The following VARS1 variants were observed in gnomAD, a reference collection of about 807,000 sequenced individuals.
The protein encoded by VARS1 is valine--tRNA ligase.
VARS1 carries 92 observed loss-of-function variants against 161.0 expected under a neutral mutation model. The ratio of observed to expected loss-of-function variants is 0.57; its 90% CI spans 0.48 to 0.68. The LOEUF (loss-of-function observed/expected upper bound fraction) is 0.68. VARS1 is among the 30% of genes least tolerant of loss of function. The probability of loss-of-function intolerance (pLI) is 0.00; values close to 1 mark genes in which losing one functional copy is unlikely to be tolerated. For missense variants in VARS1, 1,338 were observed against 1,695.9 expected (o/e 0.79, Z 3.71); for synonymous variants, 595 against 682.5 (o/e 0.87, Z 2.00).
At chr6:31,792,702 T>C (rs1299818110) in intron 4 of VARS1, 55 bp downstream of exon 4, 1 of 1,604,190 alleles carries the variant, frequency 6.2e-7, no homozygotes. Context: ...AGAAAGTGAG[T>C]TGCATGGAAG....
At position 31,784,650 on chromosome 6, in the gene VARS1, C is replaced by T. The variant is rs577463754; in HGVS notation, c.1412G>A (p.Ser471Asn). The T allele has an allele frequency of 6.2e-7, 1 of 1,613,090 alleles. No homozygotes were observed. Among genetic ancestry groups the T allele is most frequent in the African/African-American group, 1.3e-5 (1 of 75,050 alleles). ...RLHEEGIIYR[S>N]TRLVNWSCTL... ...GCAGGACCAGTTAACAAGGCGGGTA[C>T]TGCGATAGATGATGCCTTCCTCGTG... The change falls in exon 11 of 30, where the codon AGT becomes AAT. Residue 471 changes from serine to asparagine, a missense_variant. Physicochemically the swap from Ser to Asn is conservative, Grantham distance 46. This residue lies in a region of VARS1 where 902 missense variants were observed against 1,090.3 expected (regional missense o/e 0.83). Coordinates refer to ENST00000375663, the MANE Select transcript of VARS1 (RefSeq NM_006295.3). The surrounding 1 kb of genome is among the most constrained non-coding windows in gnomAD (Gnocchi z 6.1).
At position 31,785,430 on chromosome 6, in the gene VARS1, C is replaced by G; in HGVS notation, c.1266-103G>C. 6.4e-7 allele frequency: 1 copy of G among 1,553,856 alleles called. No individual in the cohort carries two copies. Among genetic ancestry groups the G allele is most frequent in the Non-Finnish European group, 8.7e-7 (1 of 1,143,414 alleles). On this transcript the variant is annotated intron_variant, in intron 9 of 29. Transcript: ENST00000375663. The surrounding 1 kb of genome is among the most constrained non-coding windows in gnomAD (Gnocchi z 6.1). Reference sequence around the variant, plus strand: ...AGATCACCCATCCCCCTGAAATTTACCTGGGCCCTAGAGCCAACTGACTCT... The same window carrying G: ...AGATCACCCATCCCCCTGAAATTTAGCTGGGCCCTAGAGCCAACTGACTCT...
At position 31,782,330 on chromosome 6, in the gene VARS1, G is replaced by A; in HGVS notation, c.2105C>T (p.Pro702Leu). ...ATGCCATGTGCGCTGATGGGCCTCA[G>A]GCAGGATGCGGAGGTCACCCCGAGT... ...AVTRGDLRIL[P>L]EAHQRTWHAW... Residue 702 changes from proline (P) to leucine (L), a missense_variant, in exon 17 of 30, where the codon CCT (proline) becomes CTT (leucine). Around this residue, in one of 3 missense-constraint regions of VARS1, gnomAD observed 902 missense variants for 1,090.3 expected, o/e 0.83. Coordinates refer to ENST00000375663, the MANE Select transcript of VARS1 (RefSeq NM_006295.3). The surrounding 1 kb of genome is among the most constrained non-coding windows in gnomAD (Gnocchi z 8.3). 1 of 1,612,972 alleles carries A rather than the reference G, an allele frequency of 6.2e-7. No individual in the cohort carries two copies. The highest frequency in any genetic ancestry group is 8.5e-7 in the Non-Finnish European group (1 of 1,179,996).
Position 31,780,045 on chromosome 6 carries a change from T to G in VARS1, c.3034A>C (p.Thr1012Pro). 2 of 1,614,074 alleles carry G rather than the reference T, an allele frequency of 1.2e-6. No homozygotes were observed. The highest frequency in any genetic ancestry group is 1.7e-6 in the Non-Finnish European group (2 of 1,180,006). The change falls in exon 26 of 30, where the codon ACT (threonine) becomes CCT (proline). Residue 1012 changes from threonine (T) to proline (P), a missense_variant. Transcript: ENST00000375663. The surrounding 1 kb of genome is among the most constrained non-coding windows in gnomAD (Gnocchi z 5.1). Reference sequence around the variant, plus strand: ...TAGAGCCAGAAGCTGTACTGGGCAGTGGTGACGGCCGGGAAGTCGTAGGCC... The same window carrying G: ...TAGAGCCAGAAGCTGTACTGGGCAGGGGTGACGGCCGGGAAGTCGTAGGCC... ...FQAYDFPAVTTAQYSFWLYEL... is the reference protein window; with the variant it reads ...FQAYDFPAVTPAQYSFWLYEL...
At position 31,780,612 on chromosome 6, in the gene VARS1, G is replaced by A; in HGVS notation, c.2798-44C>T. The A allele has an allele frequency of 6.2e-7, 1 of 1,611,132 alleles. No individual in the cohort carries two copies. The highest frequency in any genetic ancestry group is 8.5e-7 in the Non-Finnish European group (1 of 1,177,778). On this transcript the variant is annotated intron_variant, in intron 24 of 29. Coordinates refer to ENST00000375663, the MANE Select transcript of VARS1 (RefSeq NM_006295.3). The surrounding 1 kb of genome is among the most constrained non-coding windows in gnomAD (Gnocchi z 5.1). ...GTGAGTCCTCATCACCCTCTTCCCA[G>A]CCCATGCCCACCAGAGGCTCAGGGT...
intron 2 of VARS1, among the ~76,000 whole-genome samples, chr6:31,793,693 T>C (rs1047744922): frequency 1.2e-4 from 19 of 152,306 alleles, no homozygotes; most frequent in Middle Eastern, 3.4e-3. Context: ...CACGAACAGA[T>C]GGACAGAACC....
intron 4 of VARS1, 58 bp from the exon 5 acceptor site, chr6:31,792,574 T>C: frequency 6.2e-7 from 1 of 1,611,388 alleles, no homozygotes; most frequent in African/African-American, 1.3e-5. Context: ...TGGACGGCCA[T>C]ACTAGGTTTC....
chr6:31,777,832 A>C lies in VARS1; in HGVS notation c.3727-170T>G, dbSNP rs985012638. On this transcript the variant is annotated intron_variant, in intron 29 of 29. Transcript: ENST00000375663. The surrounding 1 kb of genome is among the most constrained non-coding windows in gnomAD (Gnocchi z 5.8). ...CCCACCCATTCCCACCAGCACCCCC[A>C]CTTCCACCACCACCTCTTGGGTCTT... The C allele has an allele frequency of 1.2e-5, 8 of 669,604 alleles. No homozygotes were observed. In the African/African-American group the frequency reaches 1.3e-4, roughly 11 times the overall value. 41.5% of individuals were successfully genotyped at this position (669,604 alleles called of 1,614,324 possible).
Position 31,779,107 on chromosome 6 carries a change from C to T in VARS1, c.3586G>A (p.Asp1196Asn), listed in dbSNP as rs1812938724. ...AGCTTGCCCAGCTCCCGTGCAGGGTCCACCAGCCCCTGAAGCTGCAGGTGG... is the reference window on the plus strand; with the variant it reads ...AGCTTGCCCAGCTCCCGTGCAGGGTTCACCAGCCCCTGAAGCTGCAGGTGG... ...SIHLQLQGLVDPARELGKLQA... is the reference protein window; with the variant it reads ...SIHLQLQGLVNPARELGKLQA... The change falls in exon 29 of 30, where the codon GAC becomes AAC. Residue 1196 changes from aspartate (D) to asparagine (N), a missense_variant. Physicochemically the swap from Asp to Asn is conservative, Grantham distance 23. Around this residue, in one of 3 missense-constraint regions of VARS1, gnomAD observed 433 missense variants for 586.2 expected, o/e 0.74. Transcript: ENST00000375663. The surrounding 1 kb of genome is among the most constrained non-coding windows in gnomAD (Gnocchi z 9.1). 6.2e-7 allele frequency: 1 copy of T among 1,609,422 alleles called. No homozygotes were observed. Among genetic ancestry groups the T allele is most frequent in the Non-Finnish European group, 8.5e-7 (1 of 1,178,190 alleles).
chr6:31,789,314 C>G (rs932619095), intron 8 of VARS1, among the ~76,000 whole-genome samples: 3 of 151,938 alleles, frequency 2.0e-5, no homozygotes, highest in Non-Finnish European at 4.4e-5. Flanking sequence ...AAGATAGATA[C>G]AGACAATTCA....
At position 31,782,027 on chromosome 6, in the gene VARS1, C is replaced by T. The variant is rs743399; in HGVS notation, c.2241+60G>A. 310,227 of 1,611,810 alleles carry T rather than the reference C, an allele frequency of 0.19. 32,147 individuals are homozygous for T. Among genetic ancestry groups the T allele is most frequent in the Admixed American group, 0.27 (16,229 of 59,876 alleles). ...ACCCTGCCCCTCCCCCCACCAAGGA[C>T]CCAGTAAACCCACCACTCCAGCAGG... On this transcript the variant is annotated intron_variant, in intron 18 of 29. Coordinates refer to ENST00000375663, the MANE Select transcript of VARS1 (RefSeq NM_006295.3). This position sits in a 1 kb window ranked among gnomAD's most constrained non-coding sequence, Gnocchi z 8.3.
chr6:31,784,556 T>A lies in VARS1; in HGVS notation c.1467+39A>T. ...CCAGGGGCCAGGGCCAGGGCCAGGG[T>A]AGATTGGAGATGGAGACAGGCCAGG... On this transcript the variant is annotated intron_variant, in intron 11 of 29. Transcript: ENST00000375663. This position sits in a 1 kb window ranked among gnomAD's most constrained non-coding sequence, Gnocchi z 6.1. 1.2e-6 allele frequency: 2 copies of A among 1,612,824 alleles called. No homozygotes were observed. The highest frequency in any genetic ancestry group is 1.7e-6 in the Non-Finnish European group (2 of 1,179,958).
rs1301190789 is a variant in VARS1 at position 31,795,596 on chromosome 6, C to T, written c.-84G>A. 5.7e-6 allele frequency: 1 copy of T among 176,720 alleles called. No homozygotes were observed. Among genetic ancestry groups the T allele is most frequent in the South Asian group, 2.0e-4 (1 of 5,054 alleles). The allele number at this position is 176,720 out of a possible 1,614,324, so 10.9% of individuals were successfully genotyped here. A position where few individuals can be genotyped will look rare whatever the true frequency, so the allele number is the denominator to read the frequency against. ...GGGAATCCACCTCACAGCCAGGCGCCGGCCGCGGCTGGACCGGCCGAGCGG... is the reference window on the plus strand; with the variant it reads ...GGGAATCCACCTCACAGCCAGGCGCTGGCCGCGGCTGGACCGGCCGAGCGG... On this transcript the variant is annotated 5_prime_UTR_variant, in exon 1 of 30. Transcript: ENST00000375663. This position sits in a 1 kb window ranked among gnomAD's most constrained non-coding sequence, Gnocchi z 6.9.
In VARS1 at chr6:31,782,581, CG is replaced by C; in HGVS notation, c.1939del (p.Arg647GlyfsTer24). The C allele has an allele frequency of 6.2e-7, 1 of 1,613,084 alleles. No individual in the cohort carries two copies. The highest frequency in any genetic ancestry group is 8.5e-7 in the Non-Finnish European group (1 of 1,180,040). The part of the protein sequence containing the change: ...RKAVLVALKE[R>X]GLFRGIEDNP... ...GTCCTCAATGCCACGGAACAGTCCC[CG>C]CTCCTTCAGCGCCACCAGCACCGCT... On this transcript the variant is annotated frameshift_variant, in exon 16 of 30. Transcript: ENST00000375663. LOFTEE classifies it high-confidence loss of function. The surrounding 1 kb of genome is among the most constrained non-coding windows in gnomAD (Gnocchi z 8.3).
chr6:31,785,253 A>G lies in VARS1; in HGVS notation c.1340T>C (p.Met447Thr). ...GACACTCCTCCCACGCACAGGGTCCATGGTGAAACAGGCTCGATCCCAGTC... is the reference window on the plus strand; with the variant it reads ...GACACTCCTCCCACGCACAGGGTCCGTGGTGAAACAGGCTCGATCCCAGTC... ...SLDWDRACFT[M>T]DPKLSAAVTE... is the part of the protein sequence containing the mutation. Residue 447 changes from methionine (M) to threonine (T), a missense_variant, in exon 10 of 30, where the codon ATG (methionine) becomes ACG (threonine). Physicochemically the swap from Met to Thr is moderately conservative, Grantham distance 81. Coordinates refer to ENST00000375663, the MANE Select transcript of VARS1 (RefSeq NM_006295.3). This position sits in a 1 kb window ranked among gnomAD's most constrained non-coding sequence, Gnocchi z 6.1. 1 of 1,613,088 alleles carries G rather than the reference A, an allele frequency of 6.2e-7. No individual in the cohort carries two copies. Among genetic ancestry groups the G allele is most frequent in the Non-Finnish European group, 8.5e-7 (1 of 1,180,028 alleles).
intron 8 of VARS1, among the ~76,000 whole-genome samples, chr6:31,788,810 AAAT>A (rs961710578): frequency 2.0e-5 from 3 of 151,650 alleles, no homozygotes; most frequent in African/African-American, 7.2e-5. Flanking sequence ...CTCTGTCTCA[AAAT>A]AATAATAATA....
In VARS1 at chr6:31,784,344, G is replaced by A. The variant is rs765359298; in HGVS notation, c.1577-36C>T. Reference sequence around the variant, plus strand: ...AGAAGGCCTTGTGGTCTTGGCCTTGGCCCCTTCCTGCCACTCCCAGCCCAG... The same window carrying A: ...AGAAGGCCTTGTGGTCTTGGCCTTGACCCCTTCCTGCCACTCCCAGCCCAG... On this transcript the variant is annotated intron_variant, in intron 12 of 29. Coordinates refer to ENST00000375663, the MANE Select transcript of VARS1 (RefSeq NM_006295.3). The surrounding 1 kb of genome is among the most constrained non-coding windows in gnomAD (Gnocchi z 6.1). 3 of 1,613,864 alleles carry A rather than the reference G, an allele frequency of 1.9e-6. No homozygotes were observed. Among genetic ancestry groups the A allele is most frequent in the African/African-American group, 2.7e-5 (2 of 75,042 alleles).
In VARS1 at chr6:31,779,697, C is replaced by G; in HGVS notation, c.3199G>C (p.Val1067Leu). The part of the protein sequence containing the change: ...LRLLSPFMPF[V>L]TEELFQRLPR... ...AGCCTCTGGAACAGCTCCTCCGTCA[C>G]GAAGGGCATGAAGGGTGAGAGCAGC... Residue 1067 changes from valine to leucine, a missense_variant, in exon 27 of 30, where the codon GTG (valine) becomes CTG (leucine). Transcript: ENST00000375663. The surrounding 1 kb of genome is among the most constrained non-coding windows in gnomAD (Gnocchi z 9.1). 6.2e-7 allele frequency: 1 copy of G among 1,613,012 alleles called. No individual in the cohort carries two copies. The highest frequency in any genetic ancestry group is 8.5e-7 in the Non-Finnish European group (1 of 1,180,012).
Position 31,791,791 on chromosome 6 carries a change from C to T in VARS1, c.973-54G>A. The T allele has an allele frequency of 4.3e-6, 7 of 1,612,970 alleles. No homozygotes were observed. Among genetic ancestry groups the T allele is most frequent in the Non-Finnish European group, 5.9e-6 (7 of 1,179,988 alleles). Reference sequence around the variant, plus strand: ...TAAGGCCTCAGGTCACCTCTCCCAGCCCCTCCCAGGCAACACATCCTTCAG... The same window carrying T: ...TAAGGCCTCAGGTCACCTCTCCCAGTCCCTCCCAGGCAACACATCCTTCAG... On this transcript the variant is annotated intron_variant, in intron 7 of 29. Transcript: ENST00000375663. The surrounding 1 kb of genome is among the most constrained non-coding windows in gnomAD (Gnocchi z 5.0).
Sources: gnomAD v4.1 joint callset for allele counts (sites outside exome capture counted in the v4.1 genomes callset) on GRCh38, gnomAD v4.1.1 for gene constraint, gnomAD v4.1.1 regional missense constraint, Gnocchi (gnomAD v3.1) non-coding constraint, MANE v1.5 for transcripts, NCBI Gene and HGNC (gene_info 2026-07-23, HGNC 2026-07-21) for gene names.